The following CEBPZ variants were observed in gnomAD, a reference collection of about 807,000 sequenced individuals.
CEBPZ encodes CCAAT enhancer binding protein zeta.
A neutral mutation model predicts 104.5 loss-of-function variants in CEBPZ; 78 were observed. The ratio of observed to expected loss-of-function variants is 0.75; its 90% CI spans 0.62 to 0.90. CEBPZ has a LOEUF of 0.90. Ranked by LOEUF, CEBPZ falls within the 40% of genes least tolerant of loss-of-function variation. The pLI is 0.00. For missense variants in CEBPZ, 1,439 were observed against 1,233.5 expected (o/e 1.17, Z -2.50); for synonymous variants, 470 against 427.0 (o/e 1.10, Z -1.24).
At chr2:37,220,145 C>T (rs981887873) in intron 5 of CEBPZ, among the ~76,000 whole-genome samples, 89 of 151,750 alleles carry the variant, frequency 5.9e-4, no homozygotes, top group South Asian at 4.2e-3. Flanking sequence ...GGTGAAACCC[C>T]GTCTCTACTA....
rs761859831 is a variant in CEBPZ, at chr2:37,216,122, T to C, written c.2380+18A>G. The C allele has an allele frequency of 4.7e-5, 75 of 1,580,582 alleles. No homozygotes were observed. The highest frequency in any genetic ancestry group is 6.2e-5 in the Non-Finnish European group (72 of 1,154,474). Reference sequence around the variant, plus strand: ...TATATTGTCTTTTCAGTTTCAACTGTCTAAGGTTTATACTTACCAGGAAGA... The same window carrying C: ...TATATTGTCTTTTCAGTTTCAACTGCCTAAGGTTTATACTTACCAGGAAGA... On this transcript the variant is annotated intron_variant, in intron 8 of 15. Transcript: ENST00000234170.
chr2:37,217,699 G>A (rs553748106), intron 5 of CEBPZ, among the ~76,000 whole-genome samples: 7 of 150,918 alleles, frequency 4.6e-5, no homozygotes, highest in South Asian at 4.2e-4. Flanking sequence ...TCAGGAGATC[G>A]AGACCATCCT....
At chr2:37,206,306 C>G (rs1167307423) in intron 13 of CEBPZ, among the ~76,000 whole-genome samples, 1 of 152,232 alleles carries the variant, frequency 6.6e-6, no homozygotes, top group African/African-American at 2.4e-5. Flanking sequence ...TGAGAATTCA[C>G]CACTACCAAG....
At chr2:37,221,176 C>T (rs534069402) in intron 4 of CEBPZ, among the ~76,000 whole-genome samples, 1 of 149,446 alleles carries the variant, frequency 6.7e-6, no homozygotes, top group Non-Finnish European at 1.5e-5. Context: ...ACTAGCCATA[C>T]CTGGTGGCAC....
intron 13 of CEBPZ, chr2:37,210,763 C>T (rs1677695489): frequency 4.9e-6 from 2 of 407,678 alleles, no homozygotes; most frequent in South Asian, 3.4e-5. Flanking sequence ...CCAAAAACAA[C>T]TGAAATAATG....
chr2:37,208,543 A>G (rs944534832), intron 13 of CEBPZ, among the ~76,000 whole-genome samples: 3 of 152,206 alleles, frequency 2.0e-5, no homozygotes, highest in Admixed American at 2.0e-4. Flanking sequence ...AACAAAAATC[A>G]TATGATCATC....
At chr2:37,202,548 G>C (rs1677305959) in intron 15 of CEBPZ, 4 of 332,400 alleles carry the variant, frequency 1.2e-5, no homozygotes, top group Admixed American at 4.8e-5. Context: ...GGGAGGCTAA[G>C]GTAGGAGAAT....
rs1445062051 is a variant in CEBPZ, at chr2:37,212,005, T to TA, written c.2637dup (p.Asn880Ter). 4 of 1,602,912 alleles carry TA rather than the reference T, an allele frequency of 2.5e-6. No individual in the cohort carries two copies. The highest frequency in any genetic ancestry group is 3.4e-6 in the Non-Finnish European group (4 of 1,177,214). On this transcript the variant is annotated frameshift_variant, in exon 12 of 16. Coordinates refer to ENST00000234170, the MANE Select transcript of CEBPZ (RefSeq NM_005760.3). LOFTEE classifies it high-confidence loss of function. The stretch of plus-strand genomic sequence containing the variant: ...CCTTCTGAATCTTCATCTAATGTGT[T>TA]ATCCTTAGCTCCTTTTGTTCTCTTT...
In CEBPZ at chr2:37,217,698, C is replaced by G. The variant is rs920972847; in HGVS notation, c.2155-661G>C. Among the ~76,000 whole-genome samples the G allele has an allele frequency of 1.2e-4, 18 of 150,202 alleles. No homozygotes were observed. The Middle Eastern group carries it at 0.017, about 144-fold the overall frequency. ...TGGGCGGATCACGAGGTCAGGAGAT[C>G]GAGACCATCCTGGCTAACATGGTGA... On this transcript the variant is annotated intron_variant, in intron 5 of 15. Coordinates refer to ENST00000234170, the MANE Select transcript of CEBPZ (RefSeq NM_005760.3).
intron 1 of CEBPZ, among the ~76,000 whole-genome samples, chr2:37,230,741 A>C (rs894522442): frequency 6.6e-6 from 1 of 152,026 alleles, no homozygotes; most frequent in Non-Finnish European, 1.5e-5. Flanking sequence ...TTGGCTGCTC[A>C]TGGAATAGGT....
chr2:37,214,767 TA>T, intron 9 of CEBPZ, 118 bp downstream of exon 9: 1 of 576,302 alleles, frequency 1.7e-6, no homozygotes, highest in Non-Finnish European at 3.1e-6. Context: ...TTCCATGGTC[TA>T]TTTACACACA....
Position 37,212,381 on chromosome 2 carries a change from C to T in CEBPZ, c.2557G>A (p.Asp853Asn). The change falls in exon 11 of 16, where the codon GAT becomes AAT. Residue 853 changes from aspartate (D) to asparagine (N), a missense_variant. Asp to Asn is a conservative substitution (Grantham distance 23). Transcript: ENST00000234170. ...EFEELIDTFE[D>N]DNCFSSGKDD... ...TTTCCAGAGCTGAAACAGTTATCAT[C>T]TTCAAATGTGTCTGCCAGACAATAC... 3.1e-6 allele frequency: 5 copies of T among 1,613,352 alleles called. No individual in the cohort carries two copies. Among genetic ancestry groups the T allele is most frequent in the Non-Finnish European group, 4.2e-6 (5 of 1,179,630 alleles).
At position 37,201,885 on chromosome 2, in the gene CEBPZ, C is replaced by T; in HGVS notation, c.3044G>A (p.Trp1015Ter). 6.2e-7 allele frequency: 1 copy of T among 1,613,638 alleles called. No homozygotes were observed. The highest frequency in any genetic ancestry group is 8.5e-7 in the Non-Finnish European group (1 of 1,179,876). Residue 1015 changes from tryptophan to a stop codon, truncating the protein, a stop_gained, in exon 16 of 16, where the codon TGG becomes TAG. Transcript: ENST00000234170. LOFTEE classifies it high-confidence loss of function. ...KDNASLKQLR[W>*]EAERDDWLHN... The stretch of plus-strand genomic sequence containing the variant: ...TAGCCAGTCATCACGTTCAGCCTCC[C>T]ATCTAAGCTGTTTGAGACCTTTGAG...
intron 1 of CEBPZ, 184 bp downstream of exon 1, chr2:37,231,228 C>T: frequency 1.3e-6 from 1 of 793,124 alleles, no homozygotes; most frequent in Non-Finnish European, 2.2e-6. Context: ...CAATTCGAAA[C>T]TTTTCTTTTG....
chr2:37,213,872 T>G lies in CEBPZ; in HGVS notation c.2537A>C (p.Glu846Ala). The G allele has an allele frequency of 2.5e-6, 4 of 1,604,646 alleles. No individual in the cohort carries two copies. The highest frequency in any genetic ancestry group is 3.4e-6 in the Non-Finnish European group (4 of 1,174,494). Residue 846 changes from glutamate (E) to alanine (A), a missense_variant, in exon 10 of 16, where the codon GAG becomes GCG. Glu to Ala is a moderately radical substitution (Grantham distance 107). Transcript: ENST00000234170. Reference protein sequence around the residue: ...IEDVDDEEFEELIDTFEDDNC... With the variant: ...IEDVDDEEFEALIDTFEDDNC... ...TCAACAAAACAAATTACCAATCAGC[T>G]CTTCAAATTCTTCATCATCCACGTC...
chr2:37,217,384 G>C (rs561764808), intron 5 of CEBPZ, among the ~76,000 whole-genome samples: 1 of 152,266 alleles, frequency 6.6e-6, no homozygotes, highest in South Asian at 2.1e-4. Flanking sequence ...CTGGGTGACA[G>C]AGTGAGACCC....
chr2:37,222,630 A>G, intron 3 of CEBPZ, 67 bp from the exon 4 acceptor site: 2 of 1,161,402 alleles, frequency 1.7e-6, no homozygotes, highest in South Asian at 1.7e-5. Context: ...TCTGTGCTCC[A>G]TTATGTGATG....
chr2:37,218,222 G>A (rs1489266700), intron 5 of CEBPZ, among the ~76,000 whole-genome samples: 1 of 151,362 alleles, frequency 6.6e-6, no homozygotes, highest in Non-Finnish European at 1.5e-5. Flanking sequence ...AGCTGAGATC[G>A]CACCACCGCA....
At position 37,201,746 on chromosome 2, in the gene CEBPZ, A is replaced by G. The variant is rs751145576; in HGVS notation, c.*18T>C. On this transcript the variant is annotated 3_prime_UTR_variant, in exon 16 of 16. Transcript: ENST00000234170. The stretch of plus-strand genomic sequence containing the variant: ...TTAGATGTAAGTAGAATTTTAATCT[A>G]TAATTTACATTAATAACTCATTTCC... 1.5e-5 allele frequency: 20 copies of G among 1,292,858 alleles called. No individual in the cohort carries two copies. The highest frequency in any genetic ancestry group is 2.1e-5 in the Non-Finnish European group (19 of 901,930). 80.1% of individuals were successfully genotyped at this position (1,292,858 alleles called of 1,614,324 possible).
Sources: allele counts gnomAD v4.1 joint callset (sites outside exome capture counted in the v4.1 genomes callset), GRCh38; gene constraint gnomAD v4.1.1; transcripts MANE v1.5; gene names NCBI Gene and HGNC (gene_info 2026-07-23, HGNC 2026-07-21).